The following ALG14 variants were observed in gnomAD, a reference collection of about 807,000 sequenced individuals.
The protein encoded by ALG14 is ALG14 UDP-N-acetylglucosaminyltransferase subunit.
In ALG14, 17 loss-of-function variants were observed where a neutral mutation model predicts 22.8. That is an observed-to-expected ratio of 0.75 (90% CI 0.51 to 1.12). The LOEUF (loss-of-function observed/expected upper bound fraction) is 1.12, where lower values mean the gene tolerates loss of function less well. Among genes scored for constraint, ALG14 ranks in the 50% most tolerant of loss-of-function variants. ALG14 has a pLI of 0.00. For synonymous variants in ALG14, 89 were observed against 103.7 expected, an observed-to-expected ratio of 0.86 and a Z score of 0.86; for missense variants, 288 against 271.8, an observed-to-expected ratio of 1.06 and a Z score of -0.42.
intron 2 of ALG14, among the ~76,000 whole-genome samples, chr1:95,050,772 C>T (rs1674718409): frequency 6.6e-6 from 1 of 151,968 alleles, no homozygotes; most frequent in African/African-American, 2.4e-5. Context: ...AAGACAATAA[C>T]AGCTCCCCTA....
At chr1:95,044,316 T>C (rs1019577292) in intron 2 of ALG14, among the ~76,000 whole-genome samples, 1 of 152,186 alleles carries the variant, frequency 6.6e-6, no homozygotes, top group Non-Finnish European at 1.5e-5. Flanking sequence ...TAAAACAGTA[T>C]GATTGTGTCA....
intron 1 of ALG14, among the ~76,000 whole-genome samples, chr1:95,066,526 A>G (rs1030250108): frequency 6.6e-6 from 1 of 150,992 alleles, no homozygotes; most frequent in Admixed American, 6.6e-5. Context: ...CCAAGCCCAC[A>G]TTTTTTTTTA....
At chr1:95,016,321 C>T (rs112444879) in intron 3 of ALG14, among the ~76,000 whole-genome samples, 5 of 152,176 alleles carry the variant, frequency 3.3e-5, no homozygotes, top group African/African-American at 1.2e-4. Context: ...GGACAAGGCA[C>T]TCCCTTCTTT....
intron 2 of ALG14, among the ~76,000 whole-genome samples, chr1:95,032,981 G>A (rs1358431102): frequency 6.6e-6 from 1 of 152,156 alleles, no homozygotes; most frequent in Non-Finnish European, 1.5e-5. Context: ...TTCCTTTGAA[G>A]ACAAGGGAAT....
intron 1 of ALG14, 129 bp downstream of exon 1, chr1:95,072,634 C>T: frequency 7.3e-7 from 1 of 1,362,608 alleles, no homozygotes. Context: ...TCCGGCAAGG[C>T]AGAGAAACTA....
chr1:94,996,077 G>C (rs1476541753), intron 3 of ALG14, among the ~76,000 whole-genome samples: 1 of 152,212 alleles, frequency 6.6e-6, no homozygotes, highest in African/African-American at 2.4e-5. Flanking sequence ...GTTTATCCCA[G>C]TTCTATTCAG....
intron 2 of ALG14, among the ~76,000 whole-genome samples, chr1:95,050,089 G>A (rs1674694795): frequency 6.6e-6 from 1 of 152,164 alleles, no homozygotes; most frequent in Non-Finnish European, 1.5e-5. Context: ...TGTTGAAAAT[G>A]TGGATTTTGG....
intron 3 of ALG14, among the ~76,000 whole-genome samples, chr1:95,023,574 G>A (rs577705478): frequency 2.6e-5 from 4 of 152,286 alleles, no homozygotes; most frequent in East Asian, 3.9e-4. Context: ...TTGTCATGGT[G>A]AATTAAACCA....
intron 3 of ALG14, among the ~76,000 whole-genome samples, chr1:94,998,781 G>A (rs1334615288): frequency 6.6e-6 from 1 of 152,166 alleles, no homozygotes; most frequent in African/African-American, 2.4e-5. Context: ...CTAACTCATA[G>A]GGTTACTGTG....
Position 95,061,826 on chromosome 1 carries a change from C to A in ALG14, c.288+3040G>T, listed in dbSNP as rs557851277. 656 of 152,346 alleles carry A rather than the reference C, an allele frequency of 4.3e-3. 6 individuals carry two copies. The highest frequency in any genetic ancestry group is 6.9e-3 in the Non-Finnish European group (468 of 68,092). 9.4% of individuals were successfully genotyped at this position (152,346 alleles called of 1,614,324 possible). On this transcript the variant is annotated intron_variant, in intron 2 of 3. Coordinates refer to ENST00000370205, the MANE Select transcript of ALG14 (RefSeq NM_144988.4). ...GCCCAGAAAGCTCAGAGAAAGACTT[C>A]GATTGGTCTGAGTTAGGCCAGCTGT...
chr1:94,993,260 A>AAT (rs915040623), intron 3 of ALG14, among the ~76,000 whole-genome samples: 2 of 146,390 alleles, frequency 1.4e-5, no homozygotes, highest in African/African-American at 5.0e-5. Context: ...TTTTTATATA[A>AAT]ATATATATAT....
At chr1:95,065,093 T>A in intron 1 of ALG14, 76 bp from the exon 2 acceptor site, 5 of 1,331,126 alleles carry the variant, frequency 3.8e-6, no homozygotes, top group Non-Finnish European at 4.0e-6. Flanking sequence ...TATACCAATA[T>A]CATGGTTTCA....
chr1:95,070,459 T>C (rs1483077190), intron 1 of ALG14, among the ~76,000 whole-genome samples: 1 of 152,244 alleles, frequency 6.6e-6, no homozygotes, highest in East Asian at 1.9e-4. Context: ...CAACCAAATC[T>C]TGTATCTGTA....
chr1:94,988,958 T>C (rs550997226), intron 3 of ALG14, among the ~76,000 whole-genome samples: 1 of 152,376 alleles, frequency 6.6e-6, no homozygotes, highest in African/African-American at 2.4e-5. Flanking sequence ...TATATGTTCA[T>C]ATATGCATAT....
chr1:95,055,374 T>C (rs61774265), intron 2 of ALG14, among the ~76,000 whole-genome samples: 2,924 of 152,262 alleles, frequency 0.019, 50 homozygotes, highest in Non-Finnish European at 0.029. Context: ...AGTGTATCTC[T>C]ACATACCACC....
intron 1 of ALG14, among the ~76,000 whole-genome samples, chr1:95,065,991 CA>C (rs1419871552): frequency 6.6e-6 from 1 of 152,100 alleles, no homozygotes; most frequent in Non-Finnish European, 1.5e-5. Flanking sequence ...CTATCACACC[CA>C]TTTCAGTCTC....
chr1:95,007,085 G>A (rs190560011), intron 3 of ALG14, among the ~76,000 whole-genome samples: 10 of 152,280 alleles, frequency 6.6e-5, no homozygotes, highest in African/African-American at 2.2e-4. Flanking sequence ...GAGGAGGGGG[G>A]TGGGGATGGT....
At chr1:95,048,358 T>C (rs1674629759) in intron 2 of ALG14, among the ~76,000 whole-genome samples, 1 of 152,242 alleles carries the variant, frequency 6.6e-6, no homozygotes, top group Non-Finnish European at 1.5e-5. Context: ...TATTCATATG[T>C]CACCGAGCTT....
In ALG14 at chr1:95,064,963, G is replaced by A. The variant is rs753195443; in HGVS notation, c.191C>T (p.Ser64Leu). 5 of 1,613,754 alleles carry A rather than the reference G, an allele frequency of 3.1e-6. No individual in the cohort carries two copies. The highest frequency in any genetic ancestry group is 3.4e-6 in the Non-Finnish European group (4 of 1,179,788). The change falls in exon 2 of 4, where the codon TCA becomes TTA. Residue 64 changes from serine to leucine, a missense_variant. By Grantham distance (145) the Ser-to-Leu change is moderately radical. Coordinates refer to ENST00000370205, the MANE Select transcript of ALG14 (RefSeq NM_144988.4). ...GTCAGCAATGACATAATGTCTAGGT[G>A]AGTAGGCATTGGACAAGCTCCCAAG... Reference protein sequence around the residue: ...RLLGSLSNAYSPRHYVIADTD... With the variant: ...RLLGSLSNAYLPRHYVIADTD...
Sources: allele counts gnomAD v4.1 joint callset (sites outside exome capture counted in the v4.1 genomes callset), GRCh38; gene constraint gnomAD v4.1.1; transcripts MANE v1.5; gene names NCBI Gene and HGNC (gene_info 2026-07-23, HGNC 2026-07-21).